The following MDGA2 variants were observed in gnomAD, a reference collection of about 807,000 sequenced individuals.
The protein encoded by MDGA2 is MAM domain containing glycosylphosphatidylinositol anchor 2.
In MDGA2, 40 loss-of-function variants were observed where a neutral mutation model predicts 117.8. The observed-to-expected ratio is 0.34, with a 90% CI of 0.26 to 0.44. MDGA2 has a LOEUF of 0.44. MDGA2 is among the 20% of genes least tolerant of loss of function. MDGA2 has a pLI of 1.00. For missense variants in MDGA2, 1,123 were observed against 1,250.6 expected, an observed-to-expected ratio of 0.90 and a Z score of 1.54; for synonymous variants, 452 against 439.0, an observed-to-expected ratio of 1.03 and a Z score of -0.37.
chr14:47,401,260 A>T (rs1892142306), intron 1 of MDGA2, among the ~76,000 whole-genome samples: 2 of 152,200 alleles, frequency 1.3e-5, no homozygotes, highest in African/African-American at 4.8e-5. Flanking sequence ...AGGGATAAAA[A>T]ATAGAACGGA....
intron 9 of MDGA2, among the ~76,000 whole-genome samples, chr14:46,950,443 A>G (rs10484198): frequency 0.058 from 8,843 of 152,100 alleles, 503 homozygotes; most frequent in Admixed American, 0.18. Context: ...GTATGGAATC[A>G]CTTCGTATAT....
chr14:47,495,417 AAAT>A, intron 1 of MDGA2, among the ~76,000 whole-genome samples: 1 of 152,182 alleles, frequency 6.6e-6, no homozygotes, highest in Non-Finnish European at 1.5e-5. Flanking sequence ...CAGAAAAAAA[AAAT>A]AAAAGAAAGA....
At chr14:46,904,273 G>A (rs533545266) in intron 10 of MDGA2, among the ~76,000 whole-genome samples, 2 of 151,228 alleles carry the variant, frequency 1.3e-5, no homozygotes, top group South Asian at 4.2e-4. Context: ...TCCGGAGGCT[G>A]AGGCAAGAGA....
At chr14:47,564,100 T>C (rs1224434673) in intron 1 of MDGA2, among the ~76,000 whole-genome samples, 2 of 152,188 alleles carry the variant, frequency 1.3e-5, no homozygotes, top group Non-Finnish European at 2.9e-5. Flanking sequence ...TTTTGGCTTG[T>C]AGGTTTTCTG....
chr14:46,904,123 G>A (rs1416344812), intron 10 of MDGA2, among the ~76,000 whole-genome samples: 1 of 152,082 alleles, frequency 6.6e-6, no homozygotes, highest in Non-Finnish European at 1.5e-5. Context: ...CAGCACTTTG[G>A]GAGGCCGAGG....
At chr14:47,172,214 G>A (rs903914466) in intron 3 of MDGA2, among the ~76,000 whole-genome samples, 1 of 152,134 alleles carries the variant, frequency 6.6e-6, no homozygotes, top group Non-Finnish European at 1.5e-5. Context: ...CGCCTCTGGG[G>A]GCAGGGCACA....
At chr14:47,220,038 A>T (rs1488859689) in intron 2 of MDGA2, among the ~76,000 whole-genome samples, 1 of 152,190 alleles carries the variant, frequency 6.6e-6, no homozygotes, top group Admixed American at 6.5e-5. Flanking sequence ...ACAATTCTCA[A>T]ATGAAACATA....
chr14:46,924,854 AAC>A (rs1465994712), intron 9 of MDGA2, among the ~76,000 whole-genome samples: 1 of 152,124 alleles, frequency 6.6e-6, no homozygotes, highest in African/African-American at 2.4e-5. Flanking sequence ...GGGATCAAAA[AAC>A]ACTGCTGAAA....
At chr14:47,596,937 A>C (rs963810403) in intron 1 of MDGA2, among the ~76,000 whole-genome samples, 1 of 152,182 alleles carries the variant, frequency 6.6e-6, no homozygotes, top group African/African-American at 2.4e-5. Context: ...CTGGTAGATA[A>C]GCCCATTCTG....
intron 6 of MDGA2, among the ~76,000 whole-genome samples, chr14:47,090,988 T>C (rs1008407076): frequency 4.6e-5 from 7 of 152,180 alleles, no homozygotes; most frequent in Non-Finnish European, 1.0e-4. Context: ...AACTCCCAGA[T>C]TTGTGAACAA....
chr14:47,092,585 T>G (rs1232365668), intron 6 of MDGA2, among the ~76,000 whole-genome samples: 3 of 152,168 alleles, frequency 2.0e-5, no homozygotes, highest in African/African-American at 7.2e-5. Context: ...TTCATCTCAA[T>G]CATACTGAGG....
intron 10 of MDGA2, among the ~76,000 whole-genome samples, chr14:46,905,734 G>C (rs1305754258): frequency 1.3e-5 from 2 of 151,980 alleles, no homozygotes; most frequent in East Asian, 1.9e-4. Context: ...TTCAATTCAT[G>C]ATGACAAAAA....
chr14:47,001,166 G>A (rs1435645419), intron 8 of MDGA2, among the ~76,000 whole-genome samples: 1 of 151,984 alleles, frequency 6.6e-6, no homozygotes, highest in African/African-American at 2.4e-5. Flanking sequence ...AGCCATTTAT[G>A]CAGCCAGGTT....
At chr14:47,424,714 A>T (rs1412360536) in intron 1 of MDGA2, among the ~76,000 whole-genome samples, 1 of 152,184 alleles carries the variant, frequency 6.6e-6, no homozygotes, top group African/African-American at 2.4e-5. Flanking sequence ...CAGGAGCAAT[A>T]CATATCTATG....
At chr14:47,317,383 A>T (rs1889839650) in intron 1 of MDGA2, among the ~76,000 whole-genome samples, 1 of 152,120 alleles carries the variant, frequency 6.6e-6, no homozygotes, top group Non-Finnish European at 1.5e-5. Context: ...TGCACATGAT[A>T]TATGTGTGTA....
chr14:47,587,692 C>T (rs56037109), intron 1 of MDGA2, among the ~76,000 whole-genome samples: 50,443 of 151,726 alleles, frequency 0.33, 8,816 homozygotes, highest in African/African-American at 0.37. Context: ...TATTTTTTAA[C>T]ATATTTTTAA....
chr14:47,000,103 T>C (rs1887448832), intron 8 of MDGA2, among the ~76,000 whole-genome samples: 1 of 151,452 alleles, frequency 6.6e-6, no homozygotes, highest in African/African-American at 2.4e-5. Context: ...AAAATAAAAA[T>C]ATTATAGCTA....
intron 1 of MDGA2, 81 bp downstream of exon 1, chr14:47,674,436 G>T: frequency 8.0e-7 from 1 of 1,253,100 alleles, no homozygotes; most frequent in Non-Finnish European, 1.1e-6. Flanking sequence ...GCCCCGGAAC[G>T]GCGCGAGTCG....
intron 3 of MDGA2, among the ~76,000 whole-genome samples, chr14:47,169,221 C>T (rs113674865): frequency 0.023 from 3,501 of 151,928 alleles, 147 homozygotes; most frequent in African/African-American, 0.079. Context: ...CTTATGAGTT[C>T]GATATGACCA....
Sources: gnomAD v4.1 joint callset for allele counts (sites outside exome capture counted in the v4.1 genomes callset) on GRCh38, gnomAD v4.1.1 for gene constraint, MANE v1.5 for transcripts, NCBI Gene and HGNC (gene_info 2026-07-23, HGNC 2026-07-21) for gene names.